Variants in RBBP7 observed in about 807,000 individuals in gnomAD.
RBBP7 encodes the protein histone-binding protein RBBP7.
A neutral mutation model predicts 35.2 loss-of-function variants in RBBP7; 5 were observed. The observed-to-expected ratio is 0.14, with a 90% CI of 0.07 to 0.30. The LOEUF (loss-of-function observed/expected upper bound fraction) is 0.30. Among genes scored for constraint, RBBP7 ranks in the 10% least tolerant of loss-of-function variants. The pLI, the probability that RBBP7 is intolerant of heterozygous loss-of-function variation, is 1.00. For synonymous variants in RBBP7, 140 were observed against 118.7 expected (o/e 1.18, Z -1.17); for missense variants, 155 against 327.5 (o/e 0.47, Z 4.07).
Position 16,870,212 on chromosome X carries a change from G to A in RBBP7, c.-159C>T. ...GCTGCCTGGGTGCTCCCCAGACGCC[G>A]CGTCCTTCTTTCCTGCCTCCTCCCC... On this transcript the variant is annotated 5_prime_UTR_variant, in exon 1 of 12. Coordinates refer to ENST00000380087, the MANE Select transcript of RBBP7 (RefSeq NM_002893.4). The A allele has an allele frequency of 1.4e-6, 1 of 710,879 alleles. No homozygotes were observed. The highest frequency in any genetic ancestry group is 1.7e-6 in the Non-Finnish European group (1 of 578,472). 58.6% of individuals were successfully genotyped at this position (710,879 alleles called of 1,213,427 possible).
intron 2 of RBBP7, 42 bp downstream of exon 2, chrX:16,869,034 C>A: frequency 8.5e-7 from 1 of 1,174,527 alleles, no homozygotes; most frequent in Non-Finnish European, 1.1e-6. Context: ...TTCAGAACGA[C>A]AGTTAAATTT....
intron 10 of RBBP7, chrX:16,847,722 T>C (rs1056866521): frequency 9.5e-6 from 1 of 105,567 alleles, no homozygotes; most frequent in East Asian, 3.0e-4. Context: ...GGCTAATTTA[T>C]GTATTTTTTT....
In RBBP7 at chrX:16,853,742, G is replaced by C; in HGVS notation, c.698C>G (p.Ala233Gly). 1 of 1,190,798 alleles carries C rather than the reference G, an allele frequency of 8.4e-7. No individual in the cohort carries two copies. Reference sequence around the variant, plus strand: ...CAATGACTCGTGCAGCAGGTGCCAGGCCACATCCTCTACAACAGCTGAGTG... The same window carrying C: ...CAATGACTCGTGCAGCAGGTGCCAGCCCACATCCTCTACAACAGCTGAGTG... ...TGHSAVVEDV[A>G]WHLLHESLFG... The change falls in exon 6 of 12, where the codon GCC (alanine) becomes GGC (glycine). Residue 233 changes from alanine (A) to glycine (G), a missense_variant. Physicochemically the swap from Ala to Gly is moderately conservative, Grantham distance 60. Transcript: ENST00000380087.
chrX:16,863,506 A>G (rs1166110236), intron 2 of RBBP7, among the ~76,000 whole-genome samples: 1 of 112,024 alleles, frequency 8.9e-6, no homozygotes, highest in Non-Finnish European at 1.9e-5. Context: ...CCCACCTAAA[A>G]ATATCTTATA....
chrX:16,862,725 C>CT (rs1265485283), intron 3 of RBBP7, among the ~76,000 whole-genome samples: 1 of 111,273 alleles, frequency 9.0e-6, no homozygotes, highest in Non-Finnish European at 1.9e-5. Flanking sequence ...ATACCATGTG[C>CT]TTAACCAACT....
At chrX:16,865,063 CAAAAAAA>C (rs34381419) in intron 2 of RBBP7, among the ~76,000 whole-genome samples, 1,463 of 24,498 alleles carry the variant, frequency 0.06, 53 homozygotes, top group East Asian at 0.27. Flanking sequence ...GACCCTGTCT[CAAAAAAA>C]AAAAAAAAAA....
chrX:16,858,037 A>G (rs374418786), intron 4 of RBBP7, among the ~76,000 whole-genome samples: 39 of 111,740 alleles, frequency 3.5e-4, no homozygotes, highest in African/African-American at 1.3e-3. Context: ...CCTCTAGGGT[A>G]GCCTGCAACC....
At position 16,869,330 on chromosome X, in the gene RBBP7, T is replaced by G. The variant is rs184063648; in HGVS notation, c.17-110A>C. On this transcript the variant is annotated intron_variant, in intron 1 of 11. Transcript: ENST00000380087. The stretch of plus-strand genomic sequence containing the variant: ...CTCATGTACTCTTTCCTTTTACCTC[T>G]AATTTGGACACGGACAACTAACTGC... 3.2e-4 allele frequency: 344 copies of G among 1,063,859 alleles called. 1 individual carries two copies. In the African/African-American group the frequency reaches 5.6e-3, roughly 17 times the overall value. 87.7% of individuals were successfully genotyped at this position (1,063,859 alleles called of 1,213,427 possible). A position where few individuals can be genotyped will look rare whatever the true frequency, so the allele number is the denominator to read the frequency against.
At position 16,853,818 on chromosome X, in the gene RBBP7, C is replaced by T; in HGVS notation, c.622G>A (p.Ala208Thr). Residue 208 changes from alanine (A) to threonine (T), a missense_variant, in exon 6 of 12, where the codon GCA (alanine) becomes ACA (threonine). This residue lies in a region of RBBP7 where 79 missense variants were observed against 220.8 expected (regional missense o/e 0.36). Transcript: ENST00000380087. ...DHTVCLWDINAGPKEGKIVDA... is the reference protein window; with the variant it reads ...DHTVCLWDINTGPKEGKIVDA... The stretch of plus-strand genomic sequence containing the variant: ...ACAATTTTGCCTTCTTTTGGTCCTG[C>T]GTTTATATCCCACAGACAAACAGTC... 7 of 1,159,356 alleles carry T rather than the reference C, an allele frequency of 6.0e-6. No homozygotes were observed. Among genetic ancestry groups the T allele is most frequent in the Admixed American group, 5.3e-5 (2 of 38,047 alleles).
In RBBP7 at chrX:16,855,053, C is replaced by CT. The variant is rs66524293; in HGVS notation, c.598-1212dup. ...GCTTCATCTGTTTTTATTAAATCAC[C>CT]TTTTTTTTTTTTTTGAGACGGAGTC... On this transcript the variant is annotated intron_variant, in intron 5 of 11. Coordinates refer to ENST00000380087, the MANE Select transcript of RBBP7 (RefSeq NM_002893.4). 9.2e-3 allele frequency among the ~76,000 whole-genome samples: 797 copies of CT among 86,832 alleles called. 10 individuals carry two copies. Among genetic ancestry groups the CT allele is most frequent in the African/African-American group, 0.031 (702 of 22,848 alleles). The allele number at this position is 86,832 out of a possible 115,157, so 75.4% of individuals were successfully genotyped here.
intron 5 of RBBP7, 28 bp downstream of exon 5, chrX:16,857,565 GA>G (rs1329984093): frequency 1.1e-5 from 13 of 1,208,900 alleles, no homozygotes; most frequent in Non-Finnish European, 1.5e-5. Flanking sequence ...CTCACTATAT[GA>G]ACAAATTACA....
intron 6 of RBBP7, chrX:16,853,145 T>C (rs1930249741): frequency 6.1e-6 from 2 of 326,680 alleles, no homozygotes; most frequent in Admixed American, 5.1e-5. Flanking sequence ...ACAGACTATG[T>C]AGAGAATAAT....
chrX:16,854,191 T>G (rs1930288429), intron 5 of RBBP7, among the ~76,000 whole-genome samples: 1 of 112,025 alleles, frequency 8.9e-6, no homozygotes, highest in Non-Finnish European at 1.9e-5. Flanking sequence ...GTCAAGAGAT[T>G]GAATTTAAAT....
chrX:16,870,175 G>A lies in RBBP7; in HGVS notation c.-122C>T. Reference sequence around the variant, plus strand: ...TCACACTCCCCACTGTCGAAAGCCCGGGCCCCGTCTTGCTGCCTGGGTGCT... The same window carrying A: ...TCACACTCCCCACTGTCGAAAGCCCAGGCCCCGTCTTGCTGCCTGGGTGCT... On this transcript the variant is annotated 5_prime_UTR_variant, in exon 1 of 12. Coordinates refer to ENST00000380087, the MANE Select transcript of RBBP7 (RefSeq NM_002893.4). The A allele has an allele frequency of 3.4e-6, 3 of 870,435 alleles. No individual in the cohort carries two copies. The highest frequency in any genetic ancestry group is 3.4e-4 in the Middle Eastern group (1 of 2,965). The allele number at this position is 870,435 out of a possible 1,213,427, so 71.7% of individuals were successfully genotyped here. A position where few individuals can be genotyped will look rare whatever the true frequency, so the allele number is the denominator to read the frequency against.
At chrX:16,845,161 T>C (rs928513330) in intron 11 of RBBP7, 58 bp from the exon 12 acceptor site, 2 of 825,318 alleles carry the variant, frequency 2.4e-6, no homozygotes, top group Non-Finnish European at 3.6e-6. Context: ...CACATGGTCA[T>C]GTAAAAACAA....
Position 16,858,868 on chromosome X carries a change from AAC to A in RBBP7, c.308-21_308-20del, listed in dbSNP as rs373821489. The A allele has an allele frequency of 5.6e-4, 594 of 1,054,079 alleles. No individual in the cohort carries two copies. The highest frequency in any genetic ancestry group is 6.2e-4 in the Admixed American group (25 of 40,104). 86.9% of individuals were successfully genotyped at this position (1,054,079 alleles called of 1,213,427 possible). ...CCAAATTCTAATGTGAGGAGAAAGAAACACACACACACACACTCAGGATTAAA... is the reference window on the plus strand; with the variant it reads ...CCAAATTCTAATGTGAGGAGAAAGAAACACACACACACACTCAGGATTAAA... On this transcript the variant is annotated intron_variant, in intron 3 of 11. Coordinates refer to ENST00000380087, the MANE Select transcript of RBBP7 (RefSeq NM_002893.4).
intron 3 of RBBP7, among the ~76,000 whole-genome samples, chrX:16,860,122 C>T (rs920541508): frequency 9.1e-6 from 1 of 109,496 alleles, no homozygotes; most frequent in African/African-American, 3.3e-5. Flanking sequence ...CTGATCCAAT[C>T]GTCTCCTCCC....
intron 3 of RBBP7, 37 bp from the exon 4 acceptor site, chrX:16,858,886 C>T: frequency 8.4e-7 from 1 of 1,192,310 alleles, no homozygotes. Context: ...CACACACACT[C>T]AGGATTAAAA....
chrX:16,866,558 G>T (rs910661163), intron 2 of RBBP7, among the ~76,000 whole-genome samples: 1 of 71,087 alleles, frequency 1.4e-5, no homozygotes, highest in African/African-American at 5.0e-5. Context: ...AAAAAAAAAA[G>T]AAAGAAAGAA....
Sources: gnomAD v4.1 joint callset for allele counts (sites outside exome capture counted in the v4.1 genomes callset) on GRCh38, gnomAD v4.1.1 for gene constraint, gnomAD v4.1.1 regional missense constraint, MANE v1.5 for transcripts, NCBI Gene and HGNC (gene_info 2026-07-23, HGNC 2026-07-21) for gene names.